Variants in CFAP52 observed in about 807,000 individuals in gnomAD.
CFAP52 encodes the protein cilia- and flagella-associated protein 52.
A neutral mutation model predicts 70.5 loss-of-function variants in CFAP52; 57 were observed. That is an observed-to-expected ratio of 0.81 (90% confidence interval 0.65 to 1.01). CFAP52 has a LOEUF of 1.01. Ranked by LOEUF, CFAP52 falls within the 50% of genes least tolerant of loss-of-function variation. The pLI is 0.00. For synonymous variants in CFAP52, 267 were observed against 292.5 expected, an observed-to-expected ratio of 0.91 and a Z score of 0.89; for missense variants, 785 against 788.5, an observed-to-expected ratio of 1.00 and a Z score of 0.05.
intron 9 of CFAP52, among the ~76,000 whole-genome samples, chr17:9,629,917 T>G (rs1348013533): frequency 6.6e-6 from 1 of 151,768 alleles, no homozygotes. Flanking sequence ...GGCCCTGTCT[T>G]CTCCTCCTTG....
In CFAP52 at chr17:9,600,072, T is replaced by TG. The variant is rs1476582095; in HGVS notation, c.643dup (p.Asp215GlyfsTer2). Reference sequence around the variant, plus strand: ...TCTTTTTCTTGCTTCTTCAGGTGGATGATGATGATAGCTTTTTCTACCTTG... The same window carrying TG: ...TCTTTTTCTTGCTTCTTCAGGTGGATGGATGATGATAGCTTTTTCTACCTTG... On this transcript the variant is annotated frameshift_variant, in exon 6 of 14. Transcript: ENST00000352665. LOFTEE classifies it high-confidence loss of function. 6.2e-7 allele frequency: 1 copy of TG among 1,610,690 alleles called. No homozygotes were observed. The highest frequency in any genetic ancestry group is 2.2e-5 in the East Asian group (1 of 44,716).
In CFAP52 at chr17:9,612,309, G is replaced by A. The variant is rs1352129023; in HGVS notation, c.855G>A (p.Lys285=). 6.2e-7 allele frequency: 1 copy of A among 1,613,774 alleles called. No homozygotes were observed. ...TTTACTTTTGTGCTTCTCCCTAAAG[G>A]AAGATTCAGTTACAAGGCGGCATCA... is the stretch of plus-strand genomic sequence containing the variant. The part of the protein sequence containing the change: ...FCKSPGYKPI[K]KIQLQGGITS... The change falls in exon 8 of 14, where the codon AAG becomes AAA. Residue 285 remains lysine (K), a splice_region_variant and synonymous_variant. Transcript: ENST00000352665.
At chr17:9,616,028 A>G (rs1399222252) in intron 8 of CFAP52, among the ~76,000 whole-genome samples, 2 of 151,608 alleles carry the variant, frequency 1.3e-5, no homozygotes, top group East Asian at 2.0e-4. Flanking sequence ...GCTCCGGTCT[A>G]CAGCTCCCAG....
intron 7 of CFAP52, among the ~76,000 whole-genome samples, chr17:9,609,336 A>G (rs139239296): frequency 2.5e-3 from 382 of 152,380 alleles, no homozygotes; most frequent in Non-Finnish European, 4.3e-3. Flanking sequence ...ACATAGTATT[A>G]GAGGGTGATA....
At chr17:9,625,204 A>G (rs1052715148) in intron 8 of CFAP52, among the ~76,000 whole-genome samples, 1 of 136,238 alleles carries the variant, frequency 7.3e-6, no homozygotes, top group Admixed American at 7.2e-5. Flanking sequence ...AAAATCAATT[A>G]AAAAAAAAAC....
intron 6 of CFAP52, among the ~76,000 whole-genome samples, chr17:9,601,419 A>C (rs1909264232): frequency 6.6e-6 from 1 of 152,194 alleles, no homozygotes; most frequent in Non-Finnish European, 1.5e-5. Context: ...AATAATAATA[A>C]AATTTTAAAA....
At chr17:9,603,980 T>C (rs1034671199) in intron 6 of CFAP52, among the ~76,000 whole-genome samples, 1 of 152,034 alleles carries the variant, frequency 6.6e-6, no homozygotes, top group African/African-American at 2.4e-5. Context: ...TGGGACAGAA[T>C]AGAGAGCCCA....
intron 1 of CFAP52, among the ~76,000 whole-genome samples, chr17:9,581,049 G>C (rs1315472839): frequency 1.3e-5 from 2 of 152,208 alleles, no homozygotes; most frequent in African/African-American, 2.4e-5. Flanking sequence ...AGGCGTGGTG[G>C]CTCACGCCTG....
At chr17:9,606,939 C>G (rs1237040450) in intron 6 of CFAP52, among the ~76,000 whole-genome samples, 4 of 152,186 alleles carry the variant, frequency 2.6e-5, no homozygotes, top group Non-Finnish European at 1.5e-5. Context: ...TGAGCCACAA[C>G]AGGCTAAATT....
At chr17:9,584,263 T>C in intron 1 of CFAP52, 1 of 1,279,572 alleles carries the variant, frequency 7.8e-7, no homozygotes, top group Non-Finnish European at 1.0e-6. Context: ...ATACAAACTT[T>C]TCTCTAACAT....
At chr17:9,626,770 T>C (rs1236315386) in intron 8 of CFAP52, among the ~76,000 whole-genome samples, 1 of 152,230 alleles carries the variant, frequency 6.6e-6, no homozygotes, top group East Asian at 1.9e-4. Context: ...CAGCACTTAC[T>C]CTTTCTAACT....
intron 2 of CFAP52, 86 bp from the exon 3 acceptor site, chr17:9,586,612 T>C (rs1231065106): frequency 7.3e-7 from 1 of 1,375,868 alleles, no homozygotes; most frequent in African/African-American, 1.5e-5. Flanking sequence ...GTGACAGTAC[T>C]AATTGTTTTT....
intron 1 of CFAP52, among the ~76,000 whole-genome samples, chr17:9,579,195 A>G (rs2872833): frequency 0.97 from 147,845 of 152,252 alleles, 71,918 homozygotes; most frequent in Non-Finnish European, 1. Flanking sequence ...ATTTTAAAAA[A>G]CTATACTAGC....
intron 5 of CFAP52, 35 bp downstream of exon 5, chr17:9,598,368 C>A: frequency 6.4e-7 from 1 of 1,562,310 alleles, no homozygotes; most frequent in Non-Finnish European, 8.8e-7. Flanking sequence ...TAACAATTAG[C>A]ACACGTTCCT....
In CFAP52 at chr17:9,640,825, G is replaced by T. The variant is rs188448391; in HGVS notation, c.1576-899G>T. On this transcript the variant is annotated intron_variant, in intron 12 of 13. Transcript: ENST00000352665. Reference sequence around the variant, plus strand: ...CATCCAGCTAATTTTTGTATTTTTAGTACAGACAGGGTTTCACCATATTGC... The same window carrying T: ...CATCCAGCTAATTTTTGTATTTTTATTACAGACAGGGTTTCACCATATTGC... Among the ~76,000 whole-genome samples, 465 of 152,114 alleles carry T rather than the reference G, an allele frequency of 3.1e-3. 1 individual carries two copies. Among genetic ancestry groups the T allele is most frequent in the South Asian group, 7.7e-3 (37 of 4,816 alleles).
chr17:9,606,643 T>C (rs1430117215), intron 6 of CFAP52, among the ~76,000 whole-genome samples: 1 of 152,212 alleles, frequency 6.6e-6, no homozygotes, highest in African/African-American at 2.4e-5. Context: ...ACCTGTGCAC[T>C]TGAATGACGT....
intron 3 of CFAP52, among the ~76,000 whole-genome samples, chr17:9,589,260 T>A (rs1908634239): frequency 6.6e-6 from 1 of 152,238 alleles, no homozygotes; most frequent in Admixed American, 6.5e-5. Context: ...GTATATTTTC[T>A]TATTTAAGCT....
intron 1 of CFAP52, among the ~76,000 whole-genome samples, chr17:9,579,035 A>G (rs188709331): frequency 6.2e-4 from 94 of 152,202 alleles, no homozygotes; most frequent in African/African-American, 1.8e-3. Flanking sequence ...CTCTGCTTTA[A>G]GGTGTTTTGG....
chr17:9,641,584 C>T (rs573619354), intron 12 of CFAP52, 140 bp from the exon 13 acceptor site: 17 of 564,162 alleles, frequency 3.0e-5, no homozygotes, highest in African/African-American at 2.8e-4. Flanking sequence ...CTGCTGTAGC[C>T]TATTTATAAT....
Sources: gnomAD v4.1 joint callset for allele counts (sites outside exome capture counted in the v4.1 genomes callset) on GRCh38, gnomAD v4.1.1 for gene constraint, MANE v1.5 for transcripts, NCBI Gene and HGNC (gene_info 2026-07-23, HGNC 2026-07-21) for gene names.